Variants in CCSER1 observed in about 807,000 individuals in gnomAD.
The protein encoded by CCSER1 is serine-rich coiled-coil domain-containing protein 1.
CCSER1 carries 41 observed loss-of-function variants against 82.0 expected under a neutral mutation model. The observed-to-expected ratio is 0.50, with a 90% CI of 0.39 to 0.65. The LOEUF (loss-of-function observed/expected upper bound fraction) is 0.65, where lower values mean the gene tolerates loss of function less well. CCSER1 is among the 30% of genes least tolerant of loss of function. CCSER1 has a pLI of 0.00. For missense variants in CCSER1, 1,119 were observed against 1,064.2 expected, an observed-to-expected ratio of 1.05 and a Z score of -0.72; for synonymous variants, 414 against 383.9, an observed-to-expected ratio of 1.08 and a Z score of -0.92.
At chr4:91,484,134 AT>A (rs1170285732) in intron 10 of CCSER1, among the ~76,000 whole-genome samples, 4 of 151,748 alleles carry the variant, frequency 2.6e-5, no homozygotes, top group South Asian at 2.1e-4. Context: ...GCTGTTTTAA[AT>A]TTTTTTTGAA....
In CCSER1 at chr4:90,980,915, G is replaced by C. The variant is rs1016868047; in HGVS notation, c.2172+57468G>C. Among the ~76,000 whole-genome samples the C allele has an allele frequency of 1.1e-4, 16 of 151,892 alleles. 1 individual carries two copies. Among genetic ancestry groups the C allele is most frequent in the Admixed American group, 9.9e-4 (15 of 15,218 alleles). On this transcript the variant is annotated intron_variant, in intron 9 of 10. Coordinates refer to ENST00000509176, the MANE Select transcript of CCSER1 (RefSeq NM_001145065.2). ...AATGTTATCTAGAATTTCCGGTAGC[G>C]CATGCTATTGGTGCCCTGCCCATAG...
intron 7 of CCSER1, among the ~76,000 whole-genome samples, chr4:90,797,007 T>A (rs1406197219): frequency 1.3e-5 from 2 of 152,190 alleles, no homozygotes; most frequent in Non-Finnish European, 2.9e-5. Flanking sequence ...TAGATCCATT[T>A]GATCCAGTGC....
intron 10 of CCSER1, among the ~76,000 whole-genome samples, chr4:91,126,260 A>G (rs950646572): frequency 2.0e-5 from 3 of 151,804 alleles, no homozygotes; most frequent in Non-Finnish European, 2.9e-5. Context: ...TCAATTTTCT[A>G]TTTTACTTAC....
At position 90,768,240 on chromosome 4, in the gene CCSER1, G is replaced by A. The variant is rs117491165; in HGVS notation, c.2010+44249G>A. Reference sequence around the variant, plus strand: ...GGTCCAAATGACTACTTGGAAACAGGTTTTCTGAAGCCTGCCAACGACCTT... The same window carrying A: ...GGTCCAAATGACTACTTGGAAACAGATTTTCTGAAGCCTGCCAACGACCTT... On this transcript the variant is annotated intron_variant, in intron 7 of 10. Coordinates refer to ENST00000509176, the MANE Select transcript of CCSER1 (RefSeq NM_001145065.2). Among the ~76,000 whole-genome samples, 319 of 152,270 alleles carry A rather than the reference G, an allele frequency of 2.1e-3. 16 individuals are homozygous for A. The East Asian group carries it at 0.034, about 16-fold the overall frequency.
Position 90,736,821 on chromosome 4 carries a change from A to G in CCSER1, c.2010+12830A>G, listed in dbSNP as rs149911686. Among the ~76,000 whole-genome samples the G allele has an allele frequency of 2.7e-4, 41 of 151,814 alleles. No homozygotes were observed. In the East Asian group the frequency reaches 7.4e-3, roughly 27 times the overall value. ...TGTGAAGGTAATTTTCTCTGGTGGT[A>G]TGTTCTGATTTCTTGCTTTTTATTT... is the stretch of plus-strand genomic sequence containing the variant. On this transcript the variant is annotated intron_variant, in intron 7 of 10. Coordinates refer to ENST00000509176, the MANE Select transcript of CCSER1 (RefSeq NM_001145065.2).
chr4:91,542,574 A>T (rs1300390269), intron 10 of CCSER1, among the ~76,000 whole-genome samples: 1 of 152,156 alleles, frequency 6.6e-6, no homozygotes, highest in Non-Finnish European at 1.5e-5. Context: ...GTAGTCATTT[A>T]AGAGCAGGTT....
At chr4:90,493,566 T>C (rs1372085809) in intron 5 of CCSER1, among the ~76,000 whole-genome samples, 2 of 152,152 alleles carry the variant, frequency 1.3e-5, no homozygotes, top group Non-Finnish European at 2.9e-5. Flanking sequence ...GCTGATCTCT[T>C]GCTAGAAACT....
chr4:90,673,655 A>T (rs1220802435), intron 6 of CCSER1, among the ~76,000 whole-genome samples: 1 of 151,994 alleles, frequency 6.6e-6, no homozygotes, highest in Non-Finnish European at 1.5e-5. Flanking sequence ...CAAAGGTAGC[A>T]GGTAAAGAAC....
chr4:90,154,272 G>T (rs1301568408), intron 1 of CCSER1, among the ~76,000 whole-genome samples: 1 of 152,174 alleles, frequency 6.6e-6, no homozygotes, highest in Non-Finnish European at 1.5e-5. Context: ...TGCTGTTTTG[G>T]TTACTGTAGC....
At chr4:90,453,682 A>G (rs770202578) in intron 4 of CCSER1, among the ~76,000 whole-genome samples, 4 of 152,182 alleles carry the variant, frequency 2.6e-5, no homozygotes, top group Non-Finnish European at 4.4e-5. Flanking sequence ...CCTGCCCAAG[A>G]GAGGAGTTGG....
intron 9 of CCSER1, among the ~76,000 whole-genome samples, chr4:90,957,554 A>AT (rs1369772828): frequency 1.5e-5 from 1 of 65,434 alleles, no homozygotes; most frequent in Non-Finnish European, 3.9e-5. Context: ...TAATTATATT[A>AT]TATATATTAT....
chr4:91,468,749 A>G (rs891574284), intron 10 of CCSER1, among the ~76,000 whole-genome samples: 1 of 151,982 alleles, frequency 6.6e-6, no homozygotes, highest in African/African-American at 2.4e-5. Context: ...CTATAACTGA[A>G]AAAGAATTAA....
intron 6 of CCSER1, among the ~76,000 whole-genome samples, chr4:90,688,253 C>T (rs1457722509): frequency 1.3e-5 from 2 of 151,968 alleles, no homozygotes; most frequent in Non-Finnish European, 1.5e-5. Flanking sequence ...CATTTCATAC[C>T]CTTATGCATT....
chr4:90,197,929 A>T (rs1482650659), intron 1 of CCSER1, among the ~76,000 whole-genome samples: 1 of 152,138 alleles, frequency 6.6e-6, no homozygotes, highest in African/African-American at 2.4e-5. Context: ...TTTAAGAGTA[A>T]ATTAGATTGT....
chr4:90,615,863 T>C (rs1171823900), intron 5 of CCSER1, among the ~76,000 whole-genome samples: 1 of 152,112 alleles, frequency 6.6e-6, no homozygotes, highest in Non-Finnish European at 1.5e-5. Context: ...CAAATGGAAT[T>C]GCATGCTACA....
chr4:90,408,215 C>A (rs1156899670), intron 4 of CCSER1, among the ~76,000 whole-genome samples: 1 of 152,282 alleles, frequency 6.6e-6, no homozygotes, highest in East Asian at 1.9e-4. Flanking sequence ...GGGCAGGGCA[C>A]AGACAAACAA....
intron 10 of CCSER1, among the ~76,000 whole-genome samples, chr4:91,257,843 T>A (rs922988693): frequency 6.6e-6 from 1 of 152,132 alleles, no homozygotes; most frequent in Non-Finnish European, 1.5e-5. Context: ...ACAAGTTAAA[T>A]ATTTAATGTT....
chr4:91,122,015 A>C (rs941487865), intron 10 of CCSER1, among the ~76,000 whole-genome samples: 6 of 151,730 alleles, frequency 4.0e-5, no homozygotes, highest in African/African-American at 1.4e-4. Flanking sequence ...ATGAAGAAGA[A>C]ATTACTTTTG....
chr4:91,498,493 G>A (rs1048716084), intron 10 of CCSER1, among the ~76,000 whole-genome samples: 6 of 151,170 alleles, frequency 4.0e-5, no homozygotes, highest in Non-Finnish European at 8.9e-5. Flanking sequence ...CCTTGAGAAT[G>A]TACATTTTTC....
Sources: gnomAD v4.1 joint callset for allele counts (sites outside exome capture counted in the v4.1 genomes callset) on GRCh38, gnomAD v4.1.1 for gene constraint, MANE v1.5 for transcripts, NCBI Gene and HGNC (gene_info 2026-07-23, HGNC 2026-07-21) for gene names.